CNTNAP4: variants seen among roughly 807,000 people sequenced by gnomAD.
The protein encoded by CNTNAP4 is contactin-associated protein-like 4.
Under a neutral mutation model 148.4 loss-of-function variants are expected in CNTNAP4, and 98 were observed. The observed-to-expected ratio is 0.66, with a 90% CI of 0.56 to 0.78. The LOEUF is 0.78. Among genes scored for constraint, CNTNAP4 ranks in the 30% least tolerant of loss-of-function variants. The pLI, the probability that CNTNAP4 is intolerant of heterozygous loss-of-function variation, is 0.00. For synonymous variants in CNTNAP4, 730 were observed against 565.1 expected (o/e 1.29, Z -4.14); for missense variants, 1,935 against 1,565.6 (o/e 1.24, Z -3.98).
chr16:76,390,696 C>G (rs983097144), intron 3 of CNTNAP4, among the ~76,000 whole-genome samples: 37 of 152,164 alleles, frequency 2.4e-4, no homozygotes, highest in Non-Finnish European at 5.3e-4. Flanking sequence ...AAGGTTGTCC[C>G]TGCCCTTATT....
Position 76,462,039 on chromosome 16 carries a change from A to G in CNTNAP4, c.1417A>G (p.Met473Val). Residue 473 changes from methionine (M) to valine (V), a missense_variant, in exon 9 of 24, where the codon ATG becomes GTG. By Grantham distance (21) the Met-to-Val change is conservative (BLOSUM62 1). Coordinates refer to ENST00000611870, the MANE Select transcript of CNTNAP4 (RefSeq NM_033401.5). ...CTTGAGTGTGGCGGTGGACGGCCAG[A>G]TGGCTTCTGCTGCTCCTCTGCTGGG... ...NHLSVAVDGQ[M>V]ASAAPLLGPE... 1 of 1,613,840 alleles carries G rather than the reference A, an allele frequency of 6.2e-7. No individual in the cohort carries two copies. Among genetic ancestry groups the G allele is most frequent in the Middle Eastern group, 1.7e-4 (1 of 6,050 alleles).
intron 2 of CNTNAP4, among the ~76,000 whole-genome samples, chr16:76,328,726 A>C (rs948565233): frequency 2.6e-5 from 4 of 152,058 alleles, no homozygotes; most frequent in South Asian, 4.2e-4. Flanking sequence ...GCTCACTGCA[A>C]CCTCCGCCTC....
At chr16:76,546,510 C>G (rs1402154557) in intron 21 of CNTNAP4, among the ~76,000 whole-genome samples, 2 of 152,162 alleles carry the variant, frequency 1.3e-5, no homozygotes, top group Non-Finnish European at 2.9e-5. Flanking sequence ...GCCTGATGAC[C>G]TGTCACCAAC....
Position 76,416,236 on chromosome 16 carries a change from C to T in CNTNAP4, c.391-11216C>T, listed in dbSNP as rs140936451. On this transcript the variant is annotated intron_variant, in intron 3 of 23. Transcript: ENST00000611870. ...CCACCTTTTAGTTTGTTGATTTTCT[C>T]GAATGTTTTCCTGTTTCCAATTTTA... Among the ~76,000 whole-genome samples, 883 of 151,184 alleles carry T rather than the reference C, an allele frequency of 5.8e-3. 10 individuals carry two copies. The highest frequency in any genetic ancestry group is 0.02 in the African/African-American group (847 of 41,424).
intron 3 of CNTNAP4, among the ~76,000 whole-genome samples, chr16:76,412,474 G>A (rs1447236853): frequency 6.6e-6 from 1 of 151,302 alleles, no homozygotes; most frequent in African/African-American, 2.4e-5. Flanking sequence ...CAACAGCAGT[G>A]TATTAAAATT....
At chr16:76,516,102 C>A (rs575299388) in intron 15 of CNTNAP4, among the ~76,000 whole-genome samples, 15 of 150,108 alleles carry the variant, frequency 1.0e-4, no homozygotes, top group Admixed American at 7.4e-4. Flanking sequence ...TGCCCCCCAC[C>A]CCCCAACAGG....
At chr16:76,429,719 T>C (rs1374736794) in intron 4 of CNTNAP4, among the ~76,000 whole-genome samples, 1 of 152,192 alleles carries the variant, frequency 6.6e-6, no homozygotes, top group Non-Finnish European at 1.5e-5. Context: ...TAATGATAAC[T>C]CAAACCTCCC....
At position 76,409,288 on chromosome 16, in the gene CNTNAP4, T is replaced by C. The variant is rs115792628; in HGVS notation, c.391-18164T>C. Among the ~76,000 whole-genome samples the C allele has an allele frequency of 8.4e-3, 1,272 of 152,088 alleles. 23 individuals carry two copies. The highest frequency in any genetic ancestry group is 0.029 in the African/African-American group (1,210 of 41,538). On this transcript the variant is annotated intron_variant, in intron 3 of 23. Transcript: ENST00000611870. The stretch of plus-strand genomic sequence containing the variant: ...TACAGAAACACTTATGGTTATTCTA[T>C]ATATTATGAATAATGTAGTTTCTTA...
chr16:76,449,399 G>A (rs538398661), intron 6 of CNTNAP4, among the ~76,000 whole-genome samples: 13 of 152,208 alleles, frequency 8.5e-5, no homozygotes, highest in African/African-American at 2.2e-4. Context: ...TGCTAGAAGC[G>A]TATCTAAAAT....
chr16:76,413,326 T>A (rs1416468103), intron 3 of CNTNAP4, among the ~76,000 whole-genome samples: 4 of 151,354 alleles, frequency 2.6e-5, no homozygotes, highest in Non-Finnish European at 5.9e-5. Context: ...TTTTGATTTT[T>A]AGATTTTTCT....
intron 3 of CNTNAP4, among the ~76,000 whole-genome samples, chr16:76,394,297 CCTTTA>C (rs1410714137): frequency 6.6e-6 from 1 of 152,000 alleles, no homozygotes; most frequent in Non-Finnish European, 1.5e-5. Context: ...GATGCTCTGT[CCTTTA>C]CTTTGATTGA....
chr16:76,296,383 A>G lies in CNTNAP4; in HGVS notation c.85+18636A>G, dbSNP rs200217997. On this transcript the variant is annotated intron_variant, in intron 1 of 23. Coordinates refer to ENST00000611870, the MANE Select transcript of CNTNAP4 (RefSeq NM_033401.5). ...CATCTGCCTTATGATAGAAGACTGA[A>G]TTCCTATAGCTGAGTTATTTCAATG... 2.6e-5 allele frequency among the ~76,000 whole-genome samples: 4 copies of G among 152,188 alleles called. No homozygotes were observed. The East Asian group carries it at 5.8e-4, about 22-fold the overall frequency.
Position 76,522,275 on chromosome 16 carries a change from G to T in CNTNAP4, c.2755+18G>T, listed in dbSNP as rs751703398. 1 of 1,607,066 alleles carries T rather than the reference G, an allele frequency of 6.2e-7. No individual in the cohort carries two copies. Among genetic ancestry groups the T allele is most frequent in the South Asian group, 1.1e-5 (1 of 90,886 alleles). On this transcript the variant is annotated intron_variant, in intron 17 of 23. Coordinates refer to ENST00000611870, the MANE Select transcript of CNTNAP4 (RefSeq NM_033401.5). The stretch of plus-strand genomic sequence containing the variant: ...CTTCGTGGGTAAGTTCTCTTTTTAA[G>T]CAATCATTTTATTGTATGATATGTG...
intron 3 of CNTNAP4, among the ~76,000 whole-genome samples, chr16:76,370,077 T>A (rs140279982): frequency 4.1e-4 from 62 of 152,264 alleles, no homozygotes; most frequent in African/African-American, 1.4e-3. Context: ...TGTGGAAATA[T>A]CAAATGAACC....
intron 2 of CNTNAP4, among the ~76,000 whole-genome samples, chr16:76,321,923 T>C (rs1017182778): frequency 1.3e-5 from 2 of 149,994 alleles, no homozygotes. Flanking sequence ...ATCTCAAGCC[T>C]AGAGAAAGGG....
At chr16:76,475,601 G>A (rs2081545443) in intron 10 of CNTNAP4, among the ~76,000 whole-genome samples, 1 of 152,012 alleles carries the variant, frequency 6.6e-6, no homozygotes, top group African/African-American at 2.4e-5. Flanking sequence ...AAACAATGTA[G>A]CAATTCAATG....
intron 3 of CNTNAP4, among the ~76,000 whole-genome samples, chr16:76,424,969 G>A (rs2079330581): frequency 6.6e-6 from 1 of 152,122 alleles, no homozygotes; most frequent in Non-Finnish European, 1.5e-5. Flanking sequence ...TAGAAATTGA[G>A]ACTGTAGTGC....
At chr16:76,317,991 G>C (rs1003455767) in intron 2 of CNTNAP4, among the ~76,000 whole-genome samples, 13 of 152,010 alleles carry the variant, frequency 8.6e-5, no homozygotes, top group African/African-American at 2.4e-4. Context: ...TTCTTTTTGA[G>C]TGACTTGCAG....
At position 76,452,511 on chromosome 16, in the gene CNTNAP4, A is replaced by T. The variant is rs1193712394; in HGVS notation, c.1075A>T (p.Asn359Tyr). 1.2e-6 allele frequency: 2 copies of T among 1,613,764 alleles called. No homozygotes were observed. Among genetic ancestry groups the T allele is most frequent in the African/African-American group, 1.3e-5 (1 of 74,924 alleles). The stretch of plus-strand genomic sequence containing the variant: ...TTTTCTTTTACTTTATTCTCAGGGA[A>T]ATGTGTCATTTTCTTGTTCACAACC... The part of the protein sequence containing the change: ...QQKPQIIAMG[N>Y]VSFSCSQPQS... The change falls in exon 8 of 24, where the codon AAT becomes TAT. Residue 359 changes from asparagine (N) to tyrosine (Y), a missense_variant. By Grantham distance (143) the Asn-to-Tyr change is moderately radical. Transcript: ENST00000611870.
Sources: allele counts gnomAD v4.1 joint callset (sites outside exome capture counted in the v4.1 genomes callset), GRCh38; gene constraint gnomAD v4.1.1; transcripts MANE v1.5; gene names NCBI Gene and HGNC (gene_info 2026-07-23, HGNC 2026-07-21).